The following FMN1 variants were observed in gnomAD, a reference collection of about 807,000 sequenced individuals.
The protein encoded by FMN1 is formin-1.
FMN1 carries 110 observed loss-of-function variants against 132.4 expected under a neutral mutation model. That is an observed-to-expected ratio of 0.83 (90% CI 0.71 to 0.97). The LOEUF (loss-of-function observed/expected upper bound fraction) is 0.97. Ranked by LOEUF, FMN1 falls within the 50% of genes least tolerant of loss-of-function variation. The probability of loss-of-function intolerance (pLI) is 0.00; values close to 1 mark genes in which losing one functional copy is unlikely to be tolerated. For synonymous variants in FMN1, 722 were observed against 651.7 expected (o/e 1.11, Z -1.64); for missense variants, 1,792 against 1,705.3 (o/e 1.05, Z -0.90).
chr15:33,113,551 C>CTA (rs1223636439), intron 4 of FMN1, among the ~76,000 whole-genome samples: 2 of 152,098 alleles, frequency 1.3e-5, no homozygotes, highest in Admixed American at 1.3e-4. Flanking sequence ...CCTGCTCCCC[C>CTA]ATCTTTAGTC....
chr15:32,990,536 G>A (rs1298899150), intron 7 of FMN1, among the ~76,000 whole-genome samples: 1 of 152,160 alleles, frequency 6.6e-6, no homozygotes, highest in Non-Finnish European at 1.5e-5. Context: ...GCCAGTGAGA[G>A]AAGGAATGGA....
At chr15:32,984,121 CAA>C (rs1022078498) in intron 7 of FMN1, among the ~76,000 whole-genome samples, 7 of 151,808 alleles carry the variant, frequency 4.6e-5, no homozygotes, top group South Asian at 2.1e-4. Context: ...TGCTTCCAAA[CAA>C]AAAAAGTTTC....
intron 4 of FMN1, among the ~76,000 whole-genome samples, chr15:33,123,961 CAATT>C (rs1252415624): frequency 6.6e-6 from 1 of 152,220 alleles, no homozygotes; most frequent in African/African-American, 2.4e-5. Flanking sequence ...TACAACTTCA[CAATT>C]AGATTCTTCC....
At chr15:32,977,922 T>C (rs966283096) in intron 7 of FMN1, among the ~76,000 whole-genome samples, 2 of 151,514 alleles carry the variant, frequency 1.3e-5, no homozygotes, top group African/African-American at 4.8e-5. Flanking sequence ...CATGGCACAA[T>C]CTCGGCTCAC....
At chr15:33,165,241 T>C (rs1965050708) in intron 3 of FMN1, among the ~76,000 whole-genome samples, 1 of 152,234 alleles carries the variant, frequency 6.6e-6, no homozygotes, top group Non-Finnish European at 1.5e-5. Flanking sequence ...TTTTTAGATA[T>C]GTGAACACAT....
At chr15:32,907,235 A>G (rs2141639504) in intron 12 of FMN1, among the ~76,000 whole-genome samples, 1 of 152,224 alleles carries the variant, frequency 6.6e-6, no homozygotes, top group South Asian at 2.1e-4. Context: ...TAATTATACA[A>G]CTCACCATAA....
intron 4 of FMN1, among the ~76,000 whole-genome samples, chr15:33,119,466 G>A (rs1456751521): frequency 6.6e-6 from 1 of 152,208 alleles, no homozygotes; most frequent in African/African-American, 2.4e-5. Flanking sequence ...CTGCTACAGT[G>A]CCACCCAGGA....
rs1483877935 is a variant in FMN1 at position 33,153,684 on chromosome 15, C to A, written c.1231G>T (p.Ala411Ser). The change falls in exon 4 of 21, where the codon GCC (alanine) becomes TCC (serine). Residue 411 changes from alanine (A) to serine (S), a missense_variant. Transcript: ENST00000616417. ...TTGTTCACGGCCCCCTCGGCACTGG[C>A]CGACACACTAGAAATGGAGGCTGTT... ...GETASISSVS[A>S]SAEGAVNKVP... 1 of 1,536,290 alleles carries A rather than the reference C, an allele frequency of 6.5e-7. No homozygotes were observed. The highest frequency in any genetic ancestry group is 8.7e-7 in the Non-Finnish European group (1 of 1,146,992).
chr15:33,009,389 T>G (rs2034586000), intron 6 of FMN1, among the ~76,000 whole-genome samples: 1 of 152,150 alleles, frequency 6.6e-6, no homozygotes, highest in Admixed American at 6.5e-5. Flanking sequence ...TTCACGCAAT[T>G]AGAGTGAAAT....
chr15:32,788,401 T>A (rs1370736015), intron 19 of FMN1, among the ~76,000 whole-genome samples: 2 of 152,222 alleles, frequency 1.3e-5, no homozygotes, highest in African/African-American at 4.8e-5. Context: ...CCAATCCCGA[T>A]AATGAAGACA....
At chr15:33,067,323 T>C (rs1487054906) in intron 5 of FMN1, 31 of 1,613,868 alleles carry the variant, frequency 1.9e-5, no homozygotes, top group Non-Finnish European at 2.5e-5. Context: ...GTATTTTCCC[T>C]GAAACCTCCT....
Position 32,772,490 on chromosome 15 carries a change from A to C in FMN1, c.*1820T>G, listed in dbSNP as rs538881451. On this transcript the variant is annotated 3_prime_UTR_variant, in exon 21 of 21. Coordinates refer to ENST00000616417, the MANE Select transcript of FMN1 (RefSeq NM_001277313.2). ...GATCCGTTCTTTTGGTTGTCTTCAG[A>C]GTTAAGTGAAAATGAAGAGAAACTA... The C allele has an allele frequency of 6.6e-6, 1 of 152,278 alleles. No homozygotes were observed. The highest frequency in any genetic ancestry group is 1.5e-5 in the Non-Finnish European group (1 of 68,058). The allele number at this position is 152,278 out of a possible 1,614,324, so 9.4% of individuals were successfully genotyped here. A position where few individuals can be genotyped will look rare whatever the true frequency, so the allele number is the denominator to read the frequency against.
intron 9 of FMN1, among the ~76,000 whole-genome samples, chr15:32,958,374 A>T (rs931960875): frequency 3.9e-5 from 6 of 152,228 alleles, no homozygotes; most frequent in Admixed American, 1.3e-4. Flanking sequence ...ACAAGTGTTC[A>T]TCATCATCAA....
chr15:32,909,056 C>T (rs1372667149), intron 11 of FMN1, among the ~76,000 whole-genome samples: 1 of 152,158 alleles, frequency 6.6e-6, no homozygotes, highest in African/African-American at 2.4e-5. Flanking sequence ...ATTGTCTGTA[C>T]CACTTATTTT....
intron 6 of FMN1, among the ~76,000 whole-genome samples, chr15:33,038,568 T>G (rs1408064799): frequency 6.6e-6 from 1 of 152,248 alleles, no homozygotes; most frequent in South Asian, 2.1e-4. Flanking sequence ...GGTTTACTTC[T>G]GGACTGAGTT....
rs774449809 is a variant in FMN1 at position 33,064,937 on chromosome 15, C to A, written c.2161+20G>T. 2 of 1,559,886 alleles carry A rather than the reference C, an allele frequency of 1.3e-6. No individual in the cohort carries two copies. The highest frequency in any genetic ancestry group is 1.8e-6 in the Non-Finnish European group (2 of 1,135,788). ...CAGGAAGAGATTCATTCCCGGGTCCCTAGCTTCCTTTCACATTACCTGCTT... is the reference window on the plus strand; with the variant it reads ...CAGGAAGAGATTCATTCCCGGGTCCATAGCTTCCTTTCACATTACCTGCTT... On this transcript the variant is annotated intron_variant, in intron 6 of 20. Coordinates refer to ENST00000616417, the MANE Select transcript of FMN1 (RefSeq NM_001277313.2).
chr15:33,153,342 A>G lies in FMN1; in HGVS notation c.1573T>C (p.Ser525Pro), dbSNP rs755429897. ...TGCTGAGGGCTGGGGAGCCTTGGAG[A>G]CAGAGGCGAGGGAACAGGTGACGTC... ...KQTSPVPSPL[S>P]PRLPSPQQHH... Residue 525 changes from serine to proline, a missense_variant, in exon 4 of 21, where the codon TCT (serine) becomes CCT (proline). Physicochemically the swap from Ser to Pro is moderately conservative, Grantham distance 74. Coordinates refer to ENST00000616417, the MANE Select transcript of FMN1 (RefSeq NM_001277313.2). 6.5e-6 allele frequency: 10 copies of G among 1,536,228 alleles called. No individual in the cohort carries two copies. Among genetic ancestry groups the G allele is most frequent in the Middle Eastern group, 1.7e-4 (1 of 6,012 alleles).
At chr15:33,083,254 A>G (rs1353943849) in intron 5 of FMN1, among the ~76,000 whole-genome samples, 1 of 152,258 alleles carries the variant, frequency 6.6e-6, no homozygotes, top group Non-Finnish European at 1.5e-5. Flanking sequence ...ATTCAAATAT[A>G]TATAGAAGTT....
intron 19 of FMN1, among the ~76,000 whole-genome samples, chr15:32,793,507 C>T (rs544879313): frequency 4.6e-5 from 7 of 152,142 alleles, no homozygotes; most frequent in Non-Finnish European, 7.4e-5. Flanking sequence ...TCTTGAACGC[C>T]TGACCTCAGG....
Sources: gnomAD v4.1 joint callset for allele counts (sites outside exome capture counted in the v4.1 genomes callset) on GRCh38, gnomAD v4.1.1 for gene constraint, MANE v1.5 for transcripts, NCBI Gene and HGNC (gene_info 2026-07-23, HGNC 2026-07-21) for gene names.